PDE4D: variants seen among roughly 807,000 people sequenced by gnomAD.
PDE4D encodes 3',5'-cyclic-AMP phosphodiesterase 4D.
In PDE4D, 24 loss-of-function variants were observed where a neutral mutation model predicts 87.4. That is an observed-to-expected ratio of 0.27 (90% CI 0.20 to 0.39). The LOEUF is 0.39. Ranked by LOEUF, PDE4D falls within the 10% of genes least tolerant of loss-of-function variation. PDE4D has a pLI of 1.00. For missense variants in PDE4D, 714 were observed against 1,041.0 expected (o/e 0.69, Z 4.32); for synonymous variants, 384 against 383.2 (o/e 1.00, Z -0.02).
intron 1 of PDE4D, among the ~76,000 whole-genome samples, chr5:59,504,227 T>C (rs1808828738): frequency 6.6e-6 from 1 of 152,220 alleles, no homozygotes; most frequent in Non-Finnish European, 1.5e-5. Context: ...TCATCCTGTT[T>C]ATTTAAGAAA....
chr5:59,575,560 C>A (rs887106480), intron 1 of PDE4D, among the ~76,000 whole-genome samples: 1 of 152,042 alleles, frequency 6.6e-6, no homozygotes, highest in Admixed American at 6.6e-5. Context: ...TTAAACTCTC[C>A]CAAGTGACAG....
intron 1 of PDE4D, among the ~76,000 whole-genome samples, chr5:59,795,927 G>A (rs56967744): frequency 0.054 from 8,236 of 152,216 alleles, 774 homozygotes; most frequent in African/African-American, 0.19. Flanking sequence ...GCAGGAGGAA[G>A]GCACTATGAA....
At chr5:59,113,639 G>C (rs1222532363) in intron 5 of PDE4D, among the ~76,000 whole-genome samples, 1 of 152,208 alleles carries the variant, frequency 6.6e-6, no homozygotes, top group Non-Finnish European at 1.5e-5. Flanking sequence ...CACTCTGGTA[G>C]AAAGGATGCC....
chr5:60,268,772 G>A lies in PDE4D; in HGVS notation c.-89-83085C>T, dbSNP rs77269774. ...TATGGGCAGATGTTCATTTTTCTGAGAGAAGTTCCATGTCATTTGTCAGAT... is the reference window on the plus strand; with the variant it reads ...TATGGGCAGATGTTCATTTTTCTGAAAGAAGTTCCATGTCATTTGTCAGAT... On this transcript the variant is annotated intron_variant, in intron 1 of 16. Transcript: ENST00000502484. Among the ~76,000 whole-genome samples, 469 of 152,276 alleles carry A rather than the reference G, an allele frequency of 3.1e-3. 1 individual carries two copies. The highest frequency in any genetic ancestry group is 0.011 in the African/African-American group (452 of 41,544).
intron 1 of PDE4D, among the ~76,000 whole-genome samples, chr5:60,409,518 C>T (rs1741865393): frequency 6.6e-6 from 1 of 152,124 alleles, no homozygotes; most frequent in Non-Finnish European, 1.5e-5. Flanking sequence ...TTATCCTGTG[C>T]TAATGGTTAC....
intron 6 of PDE4D, among the ~76,000 whole-genome samples, chr5:58,997,597 A>G (rs78669223): frequency 5.3e-5 from 8 of 152,186 alleles, no homozygotes; most frequent in Non-Finnish European, 1.2e-4. Context: ...ACCTCTAAAT[A>G]TTTTCCATTG....
At chr5:59,161,121 T>C (rs182219391) in intron 5 of PDE4D, among the ~76,000 whole-genome samples, 4 of 118,390 alleles carry the variant, frequency 3.4e-5, no homozygotes, top group Admixed American at 1.9e-4. Context: ...AACAAAAAAG[T>C]TTTTTCATAT....
chr5:59,655,301 TTAGC>T (rs547777679), intron 1 of PDE4D, among the ~76,000 whole-genome samples: 1 of 152,334 alleles, frequency 6.6e-6, no homozygotes, highest in South Asian at 2.1e-4. Flanking sequence ...AAGAGATTCG[TTAGC>T]TAGTCTTTCT....
intron 1 of PDE4D, among the ~76,000 whole-genome samples, chr5:59,667,993 T>C (rs1746359134): frequency 6.6e-6 from 1 of 152,220 alleles, no homozygotes; most frequent in Non-Finnish European, 1.5e-5. Context: ...TCTTCAATTT[T>C]TCTGTTTATA....
At chr5:59,055,269 G>T (rs182864960) in intron 5 of PDE4D, among the ~76,000 whole-genome samples, 1 of 152,160 alleles carries the variant, frequency 6.6e-6, no homozygotes, top group Non-Finnish European at 1.5e-5. Flanking sequence ...CCCTTCCTCT[G>T]TCAATCCCTC....
rs560285273 is a variant in PDE4D at position 60,303,330 on chromosome 5, C to T, written c.-89-117643G>A. 4.9e-5 allele frequency among the ~76,000 whole-genome samples: 6 copies of T among 122,998 alleles called. No individual in the cohort carries two copies. The South Asian group carries it at 9.8e-4, about 20-fold the overall frequency. The allele number at this position is 122,998 out of a possible 152,430, so 80.7% of individuals were successfully genotyped here. Reference sequence around the variant, plus strand: ...TTCTTTTTTTTTTTTTTTTTTGAGACGGGAGTTTCCCTCTGTCGCCCAGGC... The same window carrying T: ...TTCTTTTTTTTTTTTTTTTTTGAGATGGGAGTTTCCCTCTGTCGCCCAGGC... On this transcript the variant is annotated intron_variant, in intron 1 of 16. Coordinates refer to the PDE4D transcript ENST00000502484.
chr5:59,418,785 A>G (rs1794042692), intron 1 of PDE4D, among the ~76,000 whole-genome samples: 1 of 152,070 alleles, frequency 6.6e-6, no homozygotes, highest in Non-Finnish European at 1.5e-5. Context: ...AGTAGCTGGG[A>G]TTACAGGTGC....
At chr5:60,243,898 T>C (rs745472447) in intron 1 of PDE4D, among the ~76,000 whole-genome samples, 2 of 151,802 alleles carry the variant, frequency 1.3e-5, no homozygotes, top group Non-Finnish European at 2.9e-5. Context: ...AGGAACATGA[T>C]AAGGAAGCCC....
intron 1 of PDE4D, among the ~76,000 whole-genome samples, chr5:60,187,159 G>A (rs1216451626): frequency 2.0e-5 from 3 of 152,156 alleles, no homozygotes; most frequent in Non-Finnish European, 2.9e-5. Context: ...ACAATCAAAT[G>A]TGAGTTGCTA....
At chr5:59,056,440 TG>T (rs1353995232) in intron 5 of PDE4D, among the ~76,000 whole-genome samples, 5 of 152,056 alleles carry the variant, frequency 3.3e-5, no homozygotes, top group African/African-American at 4.8e-5. Context: ...TGTTTTCTTG[TG>T]TTTTTTTTTA....
At chr5:60,410,305 C>A (rs966797890) in intron 1 of PDE4D, among the ~76,000 whole-genome samples, 4 of 152,100 alleles carry the variant, frequency 2.6e-5, no homozygotes, top group Non-Finnish European at 5.9e-5. Flanking sequence ...TGGGTCCAGA[C>A]TTTTCTCTCC....
At chr5:59,401,434 A>G (rs1468606202) in intron 1 of PDE4D, among the ~76,000 whole-genome samples, 1 of 150,002 alleles carries the variant, frequency 6.7e-6, no homozygotes, top group African/African-American at 2.5e-5. Context: ...TCTAATACAT[A>G]TATTAGAGAC....
Position 60,051,585 on chromosome 5 carries a change from G to A in PDE4D, c.43-62868C>T, listed in dbSNP as rs148000284. ...GACCAAATGCCCACAGGAGAAAGCA[G>A]GAATGATCTAAAATCGACACCCTAA... On this transcript the variant is annotated intron_variant, in intron 2 of 16. Transcript: ENST00000502484. Among the ~76,000 whole-genome samples, 846 of 152,254 alleles carry A rather than the reference G, an allele frequency of 5.6e-3. 7 individuals are homozygous for A. Among genetic ancestry groups the A allele is most frequent in the African/African-American group, 0.02 (815 of 41,534 alleles).
At chr5:60,409,917 T>C (rs192590790) in intron 1 of PDE4D, among the ~76,000 whole-genome samples, 1 of 152,196 alleles carries the variant, frequency 6.6e-6, no homozygotes, top group East Asian at 1.9e-4. Context: ...GTCAGATGTG[T>C]GTGCCTTAAA....
Sources: allele counts gnomAD v4.1 joint callset (sites outside exome capture counted in the v4.1 genomes callset), GRCh38; gene constraint gnomAD v4.1.1; transcripts MANE v1.5; gene names NCBI Gene and HGNC (gene_info 2026-07-23, HGNC 2026-07-21).